The following TRIM49B variants were observed in gnomAD, a reference collection of about 807,000 sequenced individuals.
TRIM49B encodes tripartite motif containing 49B, also known as putative tripartite motif-containing protein 49B.
TRIM49B carries 18 observed loss-of-function variants against 31.8 expected under a neutral mutation model. The observed-to-expected ratio is 0.57, with a 90% confidence interval of 0.39 to 0.84. The LOEUF (loss-of-function observed/expected upper bound fraction) is 0.84. Ranked by LOEUF, TRIM49B falls within the 40% of genes least tolerant of loss-of-function variation. The pLI, the probability that TRIM49B is intolerant of heterozygous loss-of-function variation, is 0.00. For synonymous variants in TRIM49B, 196 were observed against 180.6 expected, an observed-to-expected ratio of 1.09 and a Z score of -0.68; for missense variants, 494 against 538.7, an observed-to-expected ratio of 0.92 and a Z score of 0.82.
chr11:49,033,190 CAA>C (rs1236465868), intron 3 of TRIM49B, among the ~76,000 whole-genome samples: 2 of 152,088 alleles, frequency 1.3e-5, no homozygotes, highest in East Asian at 1.9e-4. Context: ...ATAAGAGAGT[CAA>C]ATGGTCAATA....
At chr11:49,032,548 G>A (rs1353967754) in intron 3 of TRIM49B, among the ~76,000 whole-genome samples, 177 bp downstream of exon 3, 2 of 152,016 alleles carry the variant, frequency 1.3e-5, no homozygotes. Flanking sequence ...AGAATAGTAT[G>A]CCTGTTAGGT....
intron 2 of TRIM49B, 84 bp downstream of exon 2, chr11:49,032,094 A>C: frequency 1.9e-6 from 3 of 1,608,644 alleles, no homozygotes; most frequent in Non-Finnish European, 2.5e-6. Flanking sequence ...TGGATAAAAC[A>C]AACTCTGAGT....
chr11:49,031,852 T>A lies in TRIM49B; in HGVS notation c.253T>A (p.Phe85Ile), dbSNP rs1854453299. 6.2e-7 allele frequency: 1 copy of A among 1,613,922 alleles called. No homozygotes were observed. Among genetic ancestry groups the A allele is most frequent in the African/African-American group, 1.3e-5 (1 of 75,054 alleles). ...TGCTAGAAAAGTCAGTCTCTGGCTA[T>A]TCCTGAGCTCTGAGGAGCAAATGTG... ...SLARKVSLWL[F>I]LSSEEQMCGT... Residue 85 changes from phenylalanine to isoleucine, a missense_variant, in exon 2 of 7, where the codon TTC becomes ATC. Transcript: ENST00000332682.
intron 5 of TRIM49B, among the ~76,000 whole-genome samples, chr11:49,035,782 A>C (rs1330035391): frequency 1.3e-5 from 2 of 152,180 alleles, no homozygotes; most frequent in Non-Finnish European, 2.9e-5. Flanking sequence ...GCAGTGAAAA[A>C]GTGTTGATGT....
At chr11:49,030,871 A>G (rs1191965609) in intron 1 of TRIM49B, among the ~76,000 whole-genome samples, 2 of 152,148 alleles carry the variant, frequency 1.3e-5, no homozygotes, top group Non-Finnish European at 2.9e-5. Flanking sequence ...GCACAGCCCT[A>G]GGGGAAGTTA....
intron 1 of TRIM49B, among the ~76,000 whole-genome samples, chr11:49,029,846 C>A (rs1450024576): frequency 6.6e-6 from 1 of 152,118 alleles, no homozygotes; most frequent in Non-Finnish European, 1.5e-5. Flanking sequence ...GTTTACTGTA[C>A]CTTTTCTGTA....
intron 3 of TRIM49B, among the ~76,000 whole-genome samples, chr11:49,033,059 C>A (rs1483420592): frequency 6.6e-6 from 1 of 151,942 alleles, no homozygotes; most frequent in East Asian, 1.9e-4. Flanking sequence ...GGAATGATAG[C>A]TAATATTAGT....
intron 5 of TRIM49B, among the ~76,000 whole-genome samples, chr11:49,035,339 A>ATTTTTTGTTTTTTTTT (rs1854510450): frequency 3.5e-5 from 2 of 56,774 alleles, no homozygotes; most frequent in African/African-American, 1.5e-4. Flanking sequence ...TTGATTCCTG[A>ATTTTTTGTTTTTTTTT]TTTTTTTTTT....
At position 49,034,241 on chromosome 11, in the gene TRIM49B, G is replaced by A; in HGVS notation, c.603G>A (p.Leu201=). ...HEEEKHNLEM[L]KKKGKDIFHR... ...AAGAAAAACATAATTTGGAGATGCT[G>A]AAAAAGAAGGGGAAAGATATTTTTC... Residue 201 remains leucine (L), a synonymous_variant, in exon 4 of 7, where the codon CTG becomes CTA. Coordinates refer to ENST00000332682, the MANE Select transcript of TRIM49B (RefSeq NM_001206626.2). The A allele has an allele frequency of 6.2e-7, 1 of 1,611,948 alleles. No individual in the cohort carries two copies. Among genetic ancestry groups the A allele is most frequent in the Non-Finnish European group, 8.5e-7 (1 of 1,179,816 alleles).
Position 49,034,426 on chromosome 11 carries a change from G to C in TRIM49B, c.738+50G>C, listed in dbSNP as rs753502185. On this transcript the variant is annotated intron_variant, in intron 4 of 6. Coordinates refer to ENST00000332682, the MANE Select transcript of TRIM49B (RefSeq NM_001206626.2). ...GGTTTTTGAATATTCACATGTATAA[G>C]TATTTTCCTCATGGCTGAAATCCAT... 3 of 1,611,626 alleles carry C rather than the reference G, an allele frequency of 1.9e-6. No individual in the cohort carries two copies. The African/African-American group carries it at 4.0e-5, about 22-fold the overall frequency.
rs767873747 is a variant in TRIM49B at position 49,037,709 on chromosome 11, A to G, written c.1091A>G (p.Glu364Gly). The change falls in exon 7 of 7, where the codon GAG becomes GGG. Residue 364 changes from glutamate to glycine, a missense_variant. This residue lies in a region of TRIM49B where 233 missense variants were observed against 281.4 expected (regional missense o/e 0.83). Transcript: ENST00000332682. ...GGTGTCTGTAATATGTATTGGAAAG[A>G]GAAGAATCAGAATGAGAAGATAGAT... is the stretch of plus-strand genomic sequence containing the variant. The part of the protein sequence containing the change: ...AFGVCNMYWK[E>G]KNQNEKIDGE... 37 of 1,613,830 alleles carry G rather than the reference A, an allele frequency of 2.3e-5. No homozygotes were observed. Among genetic ancestry groups the G allele is most frequent in the Non-Finnish European group, 3.1e-5 (36 of 1,179,852 alleles).
intron 6 of TRIM49B, among the ~76,000 whole-genome samples, chr11:49,036,618 A>T (rs1224299660): frequency 2.6e-5 from 4 of 152,206 alleles, no homozygotes; most frequent in Admixed American, 2.0e-4. Context: ...CTGGCATAAT[A>T]TGTACTGAGT....
chr11:49,032,278 G>C lies in TRIM49B; in HGVS notation c.414G>C (p.Glu138Asp). The C allele has an allele frequency of 1.2e-6, 2 of 1,612,810 alleles. No individual in the cohort carries two copies. The highest frequency in any genetic ancestry group is 1.7e-6 in the Non-Finnish European group (2 of 1,179,756). The change falls in exon 3 of 7, where the codon GAG becomes GAC. Residue 138 changes from glutamate to aspartate, a missense_variant and splice_region_variant. By Grantham distance (45) the Glu-to-Asp change is conservative. Transcript: ENST00000332682. The part of the protein sequence containing the change: ...PIESAAEEHQ[E>D]KLLQKMQSLW... ...TTCAATTTATGGCTCTTTTGCAGGA[G>C]AAGCTTTTACAGAAAATGCAGTCTT...
intron 4 of TRIM49B, among the ~76,000 whole-genome samples, chr11:49,034,702 T>C (rs545193666): frequency 1.1e-4 from 17 of 152,130 alleles, no homozygotes; most frequent in Non-Finnish European, 2.4e-4. Flanking sequence ...TACATTTAGG[T>C]TAATTTGTAA....
At position 49,037,545 on chromosome 11, in the gene TRIM49B, G is replaced by C; in HGVS notation, c.927G>C (p.Met309Ile). The C allele has an allele frequency of 1.9e-6, 3 of 1,614,186 alleles. No homozygotes were observed. Among genetic ancestry groups the C allele is most frequent in the Non-Finnish European group, 2.5e-6 (3 of 1,180,040 alleles). Reference sequence around the variant, plus strand: ...TTCTATGTGAAATTTTGAGAAGCATGTGTATTGGATGTGACCATCAAGATG... The same window carrying C: ...TTCTATGTGAAATTTTGAGAAGCATCTGTATTGGATGTGACCATCAAGATG... ...DIFLCEILRS[M>I]CIGCDHQDVP... Residue 309 changes from methionine (M) to isoleucine (I), a missense_variant, in exon 7 of 7, where the codon ATG (methionine) becomes ATC (isoleucine). Around this residue, in one of 3 missense-constraint regions of TRIM49B, gnomAD observed 233 missense variants for 281.4 expected, o/e 0.83. Coordinates refer to ENST00000332682, the MANE Select transcript of TRIM49B (RefSeq NM_001206626.2).
chr11:49,037,552 G>A lies in TRIM49B; in HGVS notation c.934G>A (p.Gly312Arg), dbSNP rs1471828929. The change falls in exon 7 of 7, where the codon GGA becomes AGA. Residue 312 changes from glycine to arginine, a missense_variant. Gly to Arg is a moderately radical substitution (Grantham distance 125). Transcript: ENST00000332682. ...LCEILRSMCI[G>R]CDHQDVPYFT... The stretch of plus-strand genomic sequence containing the variant: ...TGAAATTTTGAGAAGCATGTGTATT[G>A]GATGTGACCATCAAGATGTACCCTA... 10 of 1,613,922 alleles carry A rather than the reference G, an allele frequency of 6.2e-6. No individual in the cohort carries two copies. Among genetic ancestry groups the A allele is most frequent in the Non-Finnish European group, 6.8e-6 (8 of 1,180,026 alleles).
rs180745321 is a variant in TRIM49B, at chr11:49,032,577, A to G, written c.507+206A>G. ...GTTAGGTAGGATTTCTAAGAAAACT[A>G]CTGATGTCACCCAAAGCATGCTGGT... On this transcript the variant is annotated intron_variant, in intron 3 of 6. Coordinates refer to ENST00000332682, the MANE Select transcript of TRIM49B (RefSeq NM_001206626.2). Among the ~76,000 whole-genome samples, 6 of 150,808 alleles carry G rather than the reference A, an allele frequency of 4.0e-5. No individual in the cohort carries two copies. The East Asian group carries it at 7.8e-4, about 20-fold the overall frequency.
rs201759545 is a variant in TRIM49B at position 49,036,311 on chromosome 11, G to A, written c.772G>A (p.Val258Met). 5.8e-6 allele frequency: 9 copies of A among 1,545,756 alleles called. No individual in the cohort carries two copies. The highest frequency in any genetic ancestry group is 7.9e-6 in the Non-Finnish European group (9 of 1,142,838). ...FGDILHRSES[V>M]LLHMPQPLNP... is the part of the protein sequence containing the mutation. Reference sequence around the variant, plus strand: ...GGTTTTTCCTTGCAGGAGTGAGTCCGTGCTGCTGCACATGCCCCAGCCTCT... The same window carrying A: ...GGTTTTTCCTTGCAGGAGTGAGTCCATGCTGCTGCACATGCCCCAGCCTCT... The change falls in exon 6 of 7, where the codon GTG becomes ATG. Residue 258 changes from valine to methionine, a missense_variant. Transcript: ENST00000332682.
intron 3 of TRIM49B, among the ~76,000 whole-genome samples, chr11:49,033,917 C>T (rs1486151720): frequency 1.3e-5 from 2 of 151,936 alleles, no homozygotes; most frequent in Non-Finnish European, 1.5e-5. Context: ...TTTTTATTTT[C>T]AACTATCTTA....
Sources: gnomAD v4.1 joint callset for allele counts (sites outside exome capture counted in the v4.1 genomes callset) on GRCh38, gnomAD v4.1.1 for gene constraint, gnomAD v4.1.1 regional missense constraint, MANE v1.5 for transcripts, NCBI Gene and HGNC (gene_info 2026-07-23, HGNC 2026-07-21) for gene names.